Variants in SYNDIG1 observed in about 807,000 individuals in gnomAD.
SYNDIG1 encodes the protein synapse differentiation inducing 1, also known as synapse differentiation-inducing gene protein 1.
In SYNDIG1, 9 loss-of-function variants were observed where a neutral mutation model predicts 19.4. The observed-to-expected ratio is 0.46, with a 90% CI of 0.28 to 0.81. SYNDIG1 has a LOEUF of 0.81. Among genes scored for constraint, SYNDIG1 ranks in the 30% least tolerant of loss-of-function variants. The pLI is 0.12. For synonymous variants in SYNDIG1, 141 were observed against 145.9 expected, an observed-to-expected ratio of 0.97 and a Z score of 0.24; for missense variants, 311 against 343.3, an observed-to-expected ratio of 0.91 and a Z score of 0.74.
rs267605861 is a variant in SYNDIG1, at chr20:24,543,404, G to A, written c.307G>A (p.Gly103Arg). ...LYSEGVLRSW[G>R]DGVAADCCET... ...TTCAGAGGGCGTGCTGCGCTCCTGG[G>A]GGGACGGTGTGGCCGCCGACTGCTG... Residue 103 changes from glycine (G) to arginine (R), a missense_variant, in exon 2 of 4, where the codon GGG becomes AGG. By Grantham distance (125) the Gly-to-Arg change is moderately radical (BLOSUM62 -2). Transcript: ENST00000376862. The A allele has an allele frequency of 1.5e-5, 25 of 1,613,710 alleles. No individual in the cohort carries two copies. Among genetic ancestry groups the A allele is most frequent in the Non-Finnish European group, 1.9e-5 (23 of 1,180,026 alleles).
chr20:24,529,847 CCTT>C (rs1166958560), intron 1 of SYNDIG1, among the ~76,000 whole-genome samples: 7 of 34,262 alleles, frequency 2.0e-4, no homozygotes, highest in Admixed American at 8.6e-4. Flanking sequence ...CGGTGGTACT[CCTT>C]CTGACAGTGT....
At chr20:24,495,964 C>T (rs1269995449) in intron 1 of SYNDIG1, among the ~76,000 whole-genome samples, 1 of 152,196 alleles carries the variant, frequency 6.6e-6, no homozygotes, top group African/African-American at 2.4e-5. Flanking sequence ...CCTGCCTCAG[C>T]CTCCCGAGTA....
At chr20:24,498,500 C>T (rs1284531570) in intron 1 of SYNDIG1, among the ~76,000 whole-genome samples, 1 of 152,226 alleles carries the variant, frequency 6.6e-6, no homozygotes, top group East Asian at 1.9e-4. Flanking sequence ...TTGACCAACA[C>T]CTCCCCATTC....
At chr20:24,478,938 C>A (rs948790624) in intron 1 of SYNDIG1, among the ~76,000 whole-genome samples, 4 of 152,220 alleles carry the variant, frequency 2.6e-5, no homozygotes, top group Non-Finnish European at 5.9e-5. Context: ...TGTCAGACCT[C>A]GTGGGCACTG....
At chr20:24,597,758 C>T (rs184554694) in intron 3 of SYNDIG1, among the ~76,000 whole-genome samples, 6 of 152,308 alleles carry the variant, frequency 3.9e-5, no homozygotes, top group African/African-American at 1.4e-4. Context: ...AGGGCAACAT[C>T]TGATATTTCT....
intron 1 of SYNDIG1, among the ~76,000 whole-genome samples, chr20:24,498,713 C>G (rs1451662030): frequency 1.3e-5 from 2 of 152,150 alleles, no homozygotes. Context: ...AGCATAATGT[C>G]CTTCAGGCTT....
chr20:24,643,845 G>A (rs539570725), intron 3 of SYNDIG1, among the ~76,000 whole-genome samples: 35 of 152,316 alleles, frequency 2.3e-4, no homozygotes, highest in African/African-American at 8.2e-4. Context: ...TGTGGAAAGA[G>A]CCTTTAAATA....
intron 1 of SYNDIG1, among the ~76,000 whole-genome samples, chr20:24,479,180 C>G (rs1031897333): frequency 3.3e-5 from 5 of 152,150 alleles, no homozygotes; most frequent in African/African-American, 1.2e-4. Context: ...TCTTGGGGAC[C>G]CAAATCAGAG....
chr20:24,581,420 A>G (rs1047002691), intron 2 of SYNDIG1, among the ~76,000 whole-genome samples: 11 of 152,100 alleles, frequency 7.2e-5, no homozygotes, highest in African/African-American at 2.7e-4. Context: ...CCTGAGGTCA[A>G]GGGCTGAGCT....
chr20:24,640,359 G>C (rs1047065943), intron 3 of SYNDIG1, among the ~76,000 whole-genome samples: 3 of 150,238 alleles, frequency 2.0e-5, no homozygotes, highest in East Asian at 1.9e-4. Flanking sequence ...GAGAGCGAGA[G>C]AGAGAGAGAG....
intron 3 of SYNDIG1, among the ~76,000 whole-genome samples, chr20:24,640,471 AAAGAAGGAAGG>A (rs1359078712): frequency 1.9e-4 from 23 of 118,496 alleles, no homozygotes; most frequent in African/African-American, 7.3e-4. Flanking sequence ...GGAGGGAGGG[AAAGAAGGAAGG>A]AAGGAAGGAA....
At chr20:24,469,971 C>T (rs1406250145) in intron 1 of SYNDIG1, among the ~76,000 whole-genome samples, 1 of 152,000 alleles carries the variant, frequency 6.6e-6, no homozygotes, top group Admixed American at 6.5e-5. Context: ...GACACGGGGT[C>T]GCAGGGCGGG....
At chr20:24,561,201 G>T (rs141108405) in intron 2 of SYNDIG1, among the ~76,000 whole-genome samples, 1 of 152,118 alleles carries the variant, frequency 6.6e-6, no homozygotes, top group Non-Finnish European at 1.5e-5. Flanking sequence ...TTTCAAGTCT[G>T]CTCCAGCCCC....
At chr20:24,538,903 C>G (rs1000854754) in intron 1 of SYNDIG1, among the ~76,000 whole-genome samples, 33 of 152,144 alleles carry the variant, frequency 2.2e-4, no homozygotes, top group African/African-American at 7.2e-4. Flanking sequence ...TGTATATCTT[C>G]TTTGGAGAAA....
chr20:24,653,887 A>G (rs2059497847), intron 3 of SYNDIG1, among the ~76,000 whole-genome samples: 1 of 152,112 alleles, frequency 6.6e-6, no homozygotes, highest in Non-Finnish European at 1.5e-5. Context: ...TCCTGTAAGG[A>G]CACCACTCAT....
chr20:24,551,770 A>G (rs1402488894), intron 2 of SYNDIG1, among the ~76,000 whole-genome samples: 1 of 151,998 alleles, frequency 6.6e-6, no homozygotes, highest in African/African-American at 2.4e-5. Context: ...GTGTTGTTTA[A>G]TTTCCAAATA....
intron 1 of SYNDIG1, among the ~76,000 whole-genome samples, chr20:24,490,941 C>T (rs947467906): frequency 6.6e-6 from 1 of 152,208 alleles, no homozygotes; most frequent in African/African-American, 2.4e-5. Flanking sequence ...CCTGGGCCAA[C>T]ATTTTAGAGC....
chr20:24,559,113 T>A (rs909133290), intron 2 of SYNDIG1, among the ~76,000 whole-genome samples: 4 of 151,944 alleles, frequency 2.6e-5, no homozygotes, highest in Non-Finnish European at 4.4e-5. Context: ...TTGGATTTTT[T>A]AAAAATGTGG....
At chr20:24,618,349 C>T (rs369394337) in intron 3 of SYNDIG1, among the ~76,000 whole-genome samples, 2 of 65,328 alleles carry the variant, frequency 3.1e-5, no homozygotes, top group Admixed American at 2.0e-4. Context: ...GAGGAGATCC[C>T]GGGGAGGGGG....
Sources: gnomAD v4.1 joint callset for allele counts (sites outside exome capture counted in the v4.1 genomes callset) on GRCh38, gnomAD v4.1.1 for gene constraint, MANE v1.5 for transcripts, NCBI Gene and HGNC (gene_info 2026-07-23, HGNC 2026-07-21) for gene names.